TUBB8: variants seen among roughly 807,000 people sequenced by gnomAD.
TUBB8 encodes tubulin beta 8 class VIII.
In TUBB8, 25 loss-of-function variants were observed where a neutral mutation model predicts 33.7. The ratio of observed to expected loss-of-function variants is 0.74; its 90% confidence interval spans 0.54 to 1.04. The LOEUF is 1.04. Among genes scored for constraint, TUBB8 ranks in the 50% least tolerant of loss-of-function variants. The pLI is 0.00. For missense variants in TUBB8, 279 were observed against 608.0 expected (o/e 0.46, Z 5.69); for synonymous variants, 245 against 240.1 (o/e 1.02, Z -0.19).
rs782091856 is a variant in TUBB8 at position 48,728 on chromosome 10, G to A, written c.167-3C>T. On this transcript the variant is annotated splice_polypyrimidine_tract_variant and splice_region_variant and intron_variant, in intron 2 of 3. Transcript: ENST00000568584. ...AGCGCGGGGCACGTACCTGCCACCT[G>A]CGTGGGGCGGGAGGGCATGAGCGAG... 41 of 1,609,646 alleles carry A rather than the reference G, an allele frequency of 2.5e-5. No individual in the cohort carries two copies. In the East Asian group the frequency reaches 4.0e-4, roughly 16 times the overall value.
upstream of TUBB8, chr10:49,625 T>C (rs1588273418): frequency 2.1e-6 from 1 of 484,486 alleles, no homozygotes. Context: ...CCTAGATTGA[T>C]GACATATTTT....
upstream of TUBB8, chr10:49,312 C>A: frequency 6.8e-7 from 1 of 1,465,004 alleles, no homozygotes; most frequent in Non-Finnish European, 9.3e-7. Flanking sequence ...AGCCCGCCCT[C>A]CGCCAACGTT....
At chr10:61,157 A>G (rs2130943575) in intron 1 of TUBB8, among the ~76,000 whole-genome samples, 1 of 152,028 alleles carries the variant, frequency 6.6e-6, no homozygotes, top group East Asian at 1.9e-4. Flanking sequence ...GCGCACCAGC[A>G]TGGCACATGT....
At chr10:54,712 G>A (rs1275669185) in intron 1 of TUBB8, among the ~76,000 whole-genome samples, 5 of 151,984 alleles carry the variant, frequency 3.3e-5, no homozygotes, top group Non-Finnish European at 7.4e-5. Flanking sequence ...ATATTGTAGT[G>A]TATTAGTCTG....
chr10:69,166 C>T (rs1470020726), intron 1 of TUBB8, among the ~76,000 whole-genome samples: 1 of 152,234 alleles, frequency 6.6e-6, no homozygotes, highest in Non-Finnish European at 1.5e-5. Context: ...TTCCCACTGG[C>T]CTTAGAACAA....
Position 47,031 on chromosome 10 carries a change from C to G in TUBB8, c.*26G>C. 1 of 745,690 alleles carries G rather than the reference C, an allele frequency of 1.3e-6. No individual in the cohort carries two copies. The allele number at this position is 745,690 out of a possible 1,614,324, so 46.2% of individuals were successfully genotyped here. A position where few individuals can be genotyped will look rare whatever the true frequency, so the allele number is the denominator to read the frequency against. On this transcript the variant is annotated 3_prime_UTR_variant, in exon 4 of 4. Transcript: ENST00000568584. ...CACAGTAAAGAATCCACACTGCTTC[C>G]CCCCTTTACCTAGAAAAGGAGAGTT...
intron 3 of TUBB8, chr10:48,409 A>G: frequency 1.5e-6 from 1 of 650,020 alleles, no homozygotes; most frequent in Non-Finnish European, 2.7e-6. Context: ...GGGAGTTTAC[A>G]TCAGTAACTC....
rs375116222 is a variant in TUBB8 at position 47,195 on chromosome 10, C to T, written c.1197G>A (p.Thr399=). The T allele has an allele frequency of 3.6e-5, 58 of 1,612,222 alleles. No individual in the cohort carries two copies. The highest frequency in any genetic ancestry group is 1.9e-4 in the Middle Eastern group (1 of 5,232). The change falls in exon 4 of 4, where the codon ACG becomes ACA. Residue 399 remains threonine, a synonymous_variant. Coordinates refer to ENST00000568584, the MANE Select transcript of TUBB8 (RefSeq NM_177987.3). ...FRRKAFLHWY[T]GEGMDEMEFT... ...ATTCCATCTCATCCATGCCCTCGCC[C>T]GTGTACCAGTGGAGGAAGGCCTTGC...
upstream of TUBB8, among the ~76,000 whole-genome samples, chr10:53,087 A>G (rs181459406): frequency 3.3e-5 from 5 of 152,328 alleles, no homozygotes; most frequent in African/African-American, 4.8e-5. Context: ...CACAGTTGAT[A>G]TGCAAAAGAA....
At chr10:52,364 A>G (rs1834479378), upstream of TUBB8, among the ~76,000 whole-genome samples, 1 of 152,218 alleles carries the variant, frequency 6.6e-6, no homozygotes, top group African/African-American at 2.4e-5. Context: ...GCTAGAAAAG[A>G]GGGTCCTGAC....
Position 47,407 on chromosome 10 carries a change from G to C in TUBB8, c.985C>G (p.Gln329Glu). The change falls in exon 4 of 4, where the codon CAA becomes GAA. Residue 329 changes from glutamine to glutamate, a missense_variant. By Grantham distance (29) the Gln-to-Glu change is conservative. Transcript: ENST00000568584. ...GRMPMREVDE[Q>E]MFNIQDKNSS... Reference sequence around the variant, plus strand: ...TTCTTATCTTGAATGTTGAACATTTGTTCATCCACCTCCCTCATGGGCATG... The same window carrying C: ...TTCTTATCTTGAATGTTGAACATTTCTTCATCCACCTCCCTCATGGGCATG... 2 of 1,612,448 alleles carry C rather than the reference G, an allele frequency of 1.2e-6. No homozygotes were observed. Among genetic ancestry groups the C allele is most frequent in the Non-Finnish European group, 1.7e-6 (2 of 1,179,940 alleles).
chr10:58,663 A>G (rs1373973180), intron 1 of TUBB8, among the ~76,000 whole-genome samples: 1 of 152,180 alleles, frequency 6.6e-6, no homozygotes, highest in Admixed American at 6.5e-5. Context: ...ACCAGGTCTT[A>G]TGGGAACTCA....
intron 1 of TUBB8, among the ~76,000 whole-genome samples, chr10:61,166 G>A (rs1432954149): frequency 4.0e-5 from 6 of 151,896 alleles, no homozygotes; most frequent in Non-Finnish European, 8.8e-5. Flanking sequence ...CATGGCACAT[G>A]TATACATATG....
chr10:48,378 G>A, intron 3 of TUBB8: 1 of 633,072 alleles, frequency 1.6e-6, no homozygotes. Flanking sequence ...AGTAGCCACG[G>A]CCCCAGCTCA....
chr10:69,820 C>T (rs113125586), intron 1 of TUBB8, among the ~76,000 whole-genome samples: 1 of 152,154 alleles, frequency 6.6e-6, no homozygotes, highest in Non-Finnish European at 1.5e-5. Flanking sequence ...TGGCTCGAGC[C>T]CGGGAGGATG....
upstream of TUBB8, among the ~76,000 whole-genome samples, chr10:53,037 ATAAAG>A (rs765042997): frequency 3.1e-4 from 47 of 152,392 alleles, no homozygotes; most frequent in Non-Finnish European, 3.7e-4. Flanking sequence ...AGGATTGGAC[ATAAAG>A]TAAACAAAAT....
In TUBB8 at chr10:48,853, GT is replaced by G. The variant is rs1175119534; in HGVS notation, c.116del (p.Asp39AlafsTer74). On this transcript the variant is annotated frameshift_variant, in exon 2 of 4. Transcript: ENST00000568584. LOFTEE classifies it high-confidence loss of function. ...TGATGCGCTCCAGCTGCAGGTGGCT[GT>G]CCCCGTGGTAGGTGCCAGCGGAGTC... ...AIDSAGTYHG[D>X]SHLQLERINV... The G allele has an allele frequency of 1.3e-6, 2 of 1,596,340 alleles. No homozygotes were observed. Among genetic ancestry groups the G allele is most frequent in the Non-Finnish European group, 1.7e-6 (2 of 1,172,876 alleles).
chr10:60,625 G>A (rs1193307768), intron 1 of TUBB8, among the ~76,000 whole-genome samples: 1 of 152,166 alleles, frequency 6.6e-6, no homozygotes, highest in Admixed American at 6.5e-5. Flanking sequence ...TACACTGTTG[G>A]TGGGACTGTC....
chr10:53,340 C>A (rs563708403), upstream of TUBB8, among the ~76,000 whole-genome samples: 31 of 152,314 alleles, frequency 2.0e-4, no homozygotes, highest in African/African-American at 6.5e-4. Context: ...GTTGGCCGGG[C>A]TGGTCTCAAA....
Sources: allele counts gnomAD v4.1 joint callset (sites outside exome capture counted in the v4.1 genomes callset), GRCh38; gene constraint gnomAD v4.1.1; transcripts MANE v1.5; gene names NCBI Gene and HGNC (gene_info 2026-07-23, HGNC 2026-07-21).